The following PTPRM variants were observed in gnomAD, a reference collection of about 807,000 sequenced individuals.
The protein encoded by PTPRM is protein tyrosine phosphatase receptor type M, also known as receptor-type tyrosine-protein phosphatase mu.
A neutral mutation model predicts 186.7 loss-of-function variants in PTPRM; 47 were observed. The observed-to-expected ratio is 0.25, with a 90% CI of 0.20 to 0.32. PTPRM has a LOEUF of 0.32. Ranked by LOEUF, PTPRM falls within the 10% of genes least tolerant of loss-of-function variation. The pLI, the probability that PTPRM is intolerant of heterozygous loss-of-function variation, is 1.00. For missense variants in PTPRM, 1,494 were observed against 1,865.0 expected (o/e 0.80, Z 3.66); for synonymous variants, 668 against 674.9 (o/e 0.99, Z 0.16).
intron 14 of PTPRM, among the ~76,000 whole-genome samples, chr18:8,206,840 A>C (rs1281290093): frequency 1.3e-5 from 2 of 152,030 alleles, no homozygotes; most frequent in Non-Finnish European, 2.9e-5. Context: ...CTCTGCTTCA[A>C]AAAAAAGGGG....
intron 23 of PTPRM, among the ~76,000 whole-genome samples, chr18:8,360,050 G>T (rs2095587475): frequency 6.6e-6 from 1 of 152,206 alleles, no homozygotes; most frequent in African/African-American, 2.4e-5. Flanking sequence ...AACCACTGGG[G>T]CCTCTCCCAG....
intron 23 of PTPRM, among the ~76,000 whole-genome samples, chr18:8,350,870 T>C (rs2095530747): frequency 6.6e-6 from 1 of 152,198 alleles, no homozygotes; most frequent in Admixed American, 6.5e-5. Flanking sequence ...GTCTGGCCCA[T>C]GCACAGTGGA....
Position 8,137,135 on chromosome 18 carries a change from G to A in PTPRM, c.2168-6512G>A, listed in dbSNP as rs114081228. 8.2e-3 allele frequency among the ~76,000 whole-genome samples: 1,248 copies of A among 152,122 alleles called. 12 individuals are homozygous for A. The highest frequency in any genetic ancestry group is 0.028 in the African/African-American group (1,156 of 41,478). On this transcript the variant is annotated intron_variant, in intron 13 of 32. Transcript: ENST00000580170. ...TCTACTTTTAGCTCTTCTCCCTGTC[G>A]CATCTCTTAAGGTTTTTCAGCCTCC...
chr18:7,611,538 G>C (rs559782448), intron 1 of PTPRM, among the ~76,000 whole-genome samples: 16 of 152,180 alleles, frequency 1.1e-4, no homozygotes, highest in African/African-American at 3.6e-4. Flanking sequence ...TGCTGTACAG[G>C]TGTATAGTCT....
At chr18:7,912,810 C>T (rs73379961) in intron 4 of PTPRM, among the ~76,000 whole-genome samples, 40,361 of 151,912 alleles carry the variant, frequency 0.27, 5,697 homozygotes, top group East Asian at 0.44. Flanking sequence ...TGAGCCACTG[C>T]GCCCAGCCAA....
intron 14 of PTPRM, among the ~76,000 whole-genome samples, chr18:8,225,704 A>G (rs1018840394): frequency 4.6e-5 from 7 of 152,234 alleles, no homozygotes; most frequent in Non-Finnish European, 7.3e-5. Flanking sequence ...GAGAAAGACC[A>G]TTGGTAAATA....
At position 8,288,529 on chromosome 18, in the gene PTPRM, C is replaced by T. The variant is rs76429011; in HGVS notation, c.2755-7839C>T. Reference sequence around the variant, plus strand: ...ACACTCACCCCAATTATATCAAAATCATCTCCTTTTTGGAGCCACCTTATT... The same window carrying T: ...ACACTCACCCCAATTATATCAAAATTATCTCCTTTTTGGAGCCACCTTATT... On this transcript the variant is annotated intron_variant, in intron 19 of 32. Coordinates refer to ENST00000580170, the MANE Select transcript of PTPRM (RefSeq NM_001105244.2). Among the ~76,000 whole-genome samples the T allele has an allele frequency of 1.7e-3, 258 of 152,332 alleles. 3 individuals are homozygous for T. The highest frequency in any genetic ancestry group is 1.8e-3 in the Non-Finnish European group (123 of 68,030).
intron 5 of PTPRM, among the ~76,000 whole-genome samples, chr18:7,936,120 A>G (rs1277757159): frequency 6.6e-6 from 1 of 152,186 alleles, no homozygotes; most frequent in Non-Finnish European, 1.5e-5. Context: ...GGAACTGGGA[A>G]CAGGTAGAAG....
intron 7 of PTPRM, among the ~76,000 whole-genome samples, chr18:7,996,517 A>G (rs147215061): frequency 5.1e-4 from 78 of 152,302 alleles, no homozygotes; most frequent in African/African-American, 1.8e-3. Context: ...TTCATTCAAC[A>G]TAGTAATGGA....
intron 14 of PTPRM, among the ~76,000 whole-genome samples, chr18:8,146,756 G>A (rs911662534): frequency 1.3e-5 from 2 of 152,044 alleles, no homozygotes; most frequent in African/African-American, 4.8e-5. Context: ...GTATTGCCTA[G>A]GTTTTCTTCT....
chr18:8,377,536 T>C (rs2095704311), intron 26 of PTPRM: 1 of 152,206 alleles, frequency 6.6e-6, no homozygotes, highest in Non-Finnish European at 1.5e-5. Context: ...TGTGCTGTTT[T>C]TGGGAATCAA....
At chr18:8,264,774 CAA>C (rs577367071) in intron 19 of PTPRM, among the ~76,000 whole-genome samples, 34,701 of 99,344 alleles carry the variant, frequency 0.35, 4,437 homozygotes, top group Admixed American at 0.46. Context: ...GACTCCATCT[CAA>C]AAAAAAAAAA....
intron 7 of PTPRM, among the ~76,000 whole-genome samples, chr18:8,010,420 C>T (rs2084454749): frequency 6.6e-6 from 1 of 152,166 alleles, no homozygotes; most frequent in African/African-American, 2.4e-5. Context: ...TGGTTGACTG[C>T]CAGACCTCAG....
intron 11 of PTPRM, among the ~76,000 whole-genome samples, chr18:8,096,397 C>T (rs1169859982): frequency 6.6e-6 from 1 of 152,174 alleles, no homozygotes; most frequent in African/African-American, 2.4e-5. Flanking sequence ...TTCGTGGAGG[C>T]GAGAGCCAGG....
At chr18:7,713,931 A>T (rs983492731) in intron 1 of PTPRM, among the ~76,000 whole-genome samples, 3 of 152,074 alleles carry the variant, frequency 2.0e-5, no homozygotes, top group Non-Finnish European at 4.4e-5. Flanking sequence ...ATAGTGGGAG[A>T]CTTTAACACC....
At chr18:8,351,601 A>T (rs1165336951) in intron 23 of PTPRM, among the ~76,000 whole-genome samples, 1 of 152,184 alleles carries the variant, frequency 6.6e-6, no homozygotes, top group African/African-American at 2.4e-5. Context: ...GTTGTCAGAG[A>T]TGGTGGAGTT....
chr18:8,028,410 C>T (rs767003469), intron 7 of PTPRM, among the ~76,000 whole-genome samples: 13 of 152,124 alleles, frequency 8.5e-5, no homozygotes, highest in East Asian at 1.9e-4. Context: ...ATCAGAGGCC[C>T]ATAATGCTTG....
intron 2 of PTPRM, among the ~76,000 whole-genome samples, chr18:7,786,062 A>G (rs929147529): frequency 2.0e-5 from 3 of 152,228 alleles, no homozygotes; most frequent in African/African-American, 7.2e-5. Flanking sequence ...GGCAGACTCC[A>G]CTAGATGATT....
rs2051990862 is a variant in PTPRM, at chr18:7,938,865, T to C, written c.664-10316T>C. 2.0e-5 allele frequency among the ~76,000 whole-genome samples: 3 copies of C among 152,210 alleles called. No homozygotes were observed. The South Asian group carries it at 6.2e-4, about 32-fold the overall frequency. On this transcript the variant is annotated intron_variant, in intron 5 of 32. Transcript: ENST00000580170. ...CTATCTGTATATTCATTAGCCAACT[T>C]AACGTGTGCTTGTCAATATATATTG... is the stretch of plus-strand genomic sequence containing the variant.
Sources: gnomAD v4.1 joint callset for allele counts (sites outside exome capture counted in the v4.1 genomes callset) on GRCh38, gnomAD v4.1.1 for gene constraint, MANE v1.5 for transcripts, NCBI Gene and HGNC (gene_info 2026-07-23, HGNC 2026-07-21) for gene names.